ZBP1: variants seen among roughly 807,000 people sequenced by gnomAD.
ZBP1 encodes Z-DNA-binding protein 1.
A neutral mutation model predicts 41.1 loss-of-function variants in ZBP1; 42 were observed. That is an observed-to-expected ratio of 1.02 (90% confidence interval 0.80 to 1.32). The LOEUF (loss-of-function observed/expected upper bound fraction) is 1.32. Ranked by LOEUF, ZBP1 falls within the 40% of genes most tolerant of loss-of-function variation. The pLI, the probability that ZBP1 is intolerant of heterozygous loss-of-function variation, is 0.00. For synonymous variants in ZBP1, 214 were observed against 205.2 expected (o/e 1.04, Z -0.37); for missense variants, 562 against 549.7 (o/e 1.02, Z -0.22).
chr20:57,613,480 G>T lies in ZBP1; in HGVS notation c.503-150C>A. ...TAGGGCCAAGTGGGAGGCCAGAGCT[G>T]GGTGTTTAACAGACACCACAGGTAC... On this transcript the variant is annotated intron_variant, in intron 4 of 7. Coordinates refer to ENST00000371173, the MANE Select transcript of ZBP1 (RefSeq NM_030776.3). The surrounding 1 kb of genome is among the most constrained non-coding windows in gnomAD (Gnocchi z 4.5). 1 of 810,880 alleles carries T rather than the reference G, an allele frequency of 1.2e-6. No homozygotes were observed. The highest frequency in any genetic ancestry group is 2.0e-6 in the Non-Finnish European group (1 of 505,510). 50.2% of individuals were successfully genotyped at this position (810,880 alleles called of 1,614,324 possible). A position where few individuals can be genotyped will look rare whatever the true frequency, so the allele number is the denominator to read the frequency against.
chr20:57,615,460 T>C, intron 3 of ZBP1, 52 bp downstream of exon 3: 1 of 1,588,888 alleles, frequency 6.3e-7, no homozygotes, highest in Non-Finnish European at 8.6e-7. Flanking sequence ...CTGGGGTTCC[T>C]GGGGAGTGGG....
In ZBP1 at chr20:57,615,223, G is replaced by T. The variant is rs1338898001; in HGVS notation, c.329-163C>A. The T allele has an allele frequency of 5.0e-6, 4 of 802,234 alleles. No homozygotes were observed. The East Asian group carries it at 1.0e-4, about 21-fold the overall frequency. 49.7% of individuals were successfully genotyped at this position (802,234 alleles called of 1,614,324 possible). A position where few individuals can be genotyped will look rare whatever the true frequency, so the allele number is the denominator to read the frequency against. On this transcript the variant is annotated intron_variant, in intron 3 of 7. Coordinates refer to ENST00000371173, the MANE Select transcript of ZBP1 (RefSeq NM_030776.3). ...GGGGTCATCATGACGCACCGCAGAGGTGCCCTGAGGGTGGGGGATGTGCAC... is the reference window on the plus strand; with the variant it reads ...GGGGTCATCATGACGCACCGCAGAGTTGCCCTGAGGGTGGGGGATGTGCAC...
At chr20:57,616,511 C>T (rs1313194564) in intron 1 of ZBP1, 43 bp from the exon 2 acceptor site, 2 of 1,605,828 alleles carry the variant, frequency 1.2e-6, no homozygotes, top group Non-Finnish European at 1.7e-6. Flanking sequence ...CTGAGTCTCC[C>T]AGGTCCCCAC....
rs544740203 is a variant in ZBP1, at chr20:57,615,195, A to G, written c.329-135T>C. 5.4e-5 allele frequency: 54 copies of G among 993,098 alleles called. 2 individuals carry two copies. In the South Asian group the frequency reaches 7.3e-4, roughly 13 times the overall value. The allele number at this position is 993,098 out of a possible 1,614,324, so 61.5% of individuals were successfully genotyped here. A position where few individuals can be genotyped will look rare whatever the true frequency, so the allele number is the denominator to read the frequency against. ...TCATCTGTAAAATGGGTGTCATGAT[A>G]ACGGGGTCATCATGACGCACCGCAG... On this transcript the variant is annotated intron_variant, in intron 3 of 7. Transcript: ENST00000371173.
At chr20:57,611,411 A>ATTTTTTTTTTTTT (rs3068061) in intron 6 of ZBP1, among the ~76,000 whole-genome samples, 39 of 95,128 alleles carry the variant, frequency 4.1e-4, no homozygotes, top group African/African-American at 8.1e-4. Context: ...TGCCCGGTTA[A>ATTTTTTTTTTTTT]TTTTTTTTTT....
chr20:57,619,304 T>A (rs1177692399), intron 1 of ZBP1, among the ~76,000 whole-genome samples: 2 of 152,202 alleles, frequency 1.3e-5, no homozygotes. Context: ...CCCTGCCAAC[T>A]ACTAGCTGTG....
chr20:57,604,727 C>G lies in ZBP1; in HGVS notation c.1136G>C (p.Arg379Pro), dbSNP rs748618471. ...ADTQSRSHFP[R>P]DIGQPITPSH... ...GGGAGTGATGGGCTGACCAATGTCT[C>G]GAGGAAAGTGACTTCTGGATTGTGT... Residue 379 changes from arginine (R) to proline (P), a missense_variant, in exon 8 of 8, where the codon CGA becomes CCA. By Grantham distance (103) the Arg-to-Pro change is moderately radical. Coordinates refer to ENST00000371173, the MANE Select transcript of ZBP1 (RefSeq NM_030776.3). 3.1e-6 allele frequency: 5 copies of G among 1,613,910 alleles called. No homozygotes were observed. The East Asian group carries it at 6.7e-5, about 22-fold the overall frequency.
In ZBP1 at chr20:57,615,078, C is replaced by T; in HGVS notation, c.329-18G>A. The T allele has an allele frequency of 6.2e-7, 1 of 1,613,856 alleles. No individual in the cohort carries two copies. Among genetic ancestry groups the T allele is most frequent in the Non-Finnish European group, 8.5e-7 (1 of 1,179,828 alleles). ...GTCTTCCTCTGGGAGGCAGGATGGC[C>T]AGGTGGTTAGGGAGTAGTCCTAGGG... On this transcript the variant is annotated intron_variant, in intron 3 of 7. Coordinates refer to ENST00000371173, the MANE Select transcript of ZBP1 (RefSeq NM_030776.3).
At chr20:57,616,801 G>A in intron 1 of ZBP1, 1 of 342,810 alleles carries the variant, frequency 2.9e-6, no homozygotes, top group Non-Finnish European at 5.5e-6. Flanking sequence ...GAGGGGAGTA[G>A]AGGGCAGAAG....
Position 57,616,479 on chromosome 20 carries a change from G to A in ZBP1, c.35-11C>T, listed in dbSNP as rs201037492. On this transcript the variant is annotated splice_polypyrimidine_tract_variant and intron_variant, in intron 1 of 7. Coordinates refer to ENST00000371173, the MANE Select transcript of ZBP1 (RefSeq NM_030776.3). Reference sequence around the variant, plus strand: ...TTTGTTCAAGGTGGCCTGGGGGAGCGAGCGGGGGACAGAGAGGGGAACTGA... The same window carrying A: ...TTTGTTCAAGGTGGCCTGGGGGAGCAAGCGGGGGACAGAGAGGGGAACTGA... The A allele has an allele frequency of 9.9e-6, 16 of 1,612,480 alleles. No homozygotes were observed. The Admixed American group carries it at 1.7e-4, about 17-fold the overall frequency.
chr20:57,616,663 G>A, intron 1 of ZBP1, 195 bp from the exon 2 acceptor site: 1 of 611,880 alleles, frequency 1.6e-6, no homozygotes, highest in Non-Finnish European at 2.8e-6. Context: ...GAGGCATGCA[G>A]GCTGATCAGA....
In ZBP1 at chr20:57,613,925, C is replaced by T. The variant is rs1026620806; in HGVS notation, c.503-595G>A. Among the ~76,000 whole-genome samples the T allele has an allele frequency of 2.9e-4, 44 of 151,306 alleles. No individual in the cohort carries two copies. Among genetic ancestry groups the T allele is most frequent in the African/African-American group, 1.0e-3 (42 of 41,422 alleles). On this transcript the variant is annotated intron_variant, in intron 4 of 7. Coordinates refer to ENST00000371173, the MANE Select transcript of ZBP1 (RefSeq NM_030776.3). The surrounding 1 kb of genome is among the most constrained non-coding windows in gnomAD (Gnocchi z 4.5). Reference sequence around the variant, plus strand: ...GCCCAGACTGTGCGGGGCCCATCACCACCCTCCAGGGTCTCAGCTCCTGTG... The same window carrying T: ...GCCCAGACTGTGCGGGGCCCATCACTACCCTCCAGGGTCTCAGCTCCTGTG...
rs2070727185 is a variant in ZBP1, at chr20:57,613,295, T to C, written c.538A>G (p.Ile180Val). Residue 180 changes from isoleucine to valine, a missense_variant, in exon 5 of 8, where the codon ATT becomes GTT. Ile to Val is a conservative substitution (Grantham distance 29). Transcript: ENST00000371173. The surrounding 1 kb of genome is among the most constrained non-coding windows in gnomAD (Gnocchi z 4.5). Reference protein sequence around the residue: ...SGRRAKSASIIYQHNPINMIC... With the variant: ...SGRRAKSASIVYQHNPINMIC... Reference sequence around the variant, plus strand: ...ATGTTGATTGGATTGTGCTGGTAAATAATTGAGGCTGACTTTGCTCTTCTT... The same window carrying C: ...ATGTTGATTGGATTGTGCTGGTAAACAATTGAGGCTGACTTTGCTCTTCTT... The C allele has an allele frequency of 6.2e-7, 1 of 1,614,224 alleles. No homozygotes were observed.
At chr20:57,609,671 C>G (rs1316351067) in intron 7 of ZBP1, among the ~76,000 whole-genome samples, 29 of 152,064 alleles carry the variant, frequency 1.9e-4, no homozygotes, top group Admixed American at 1.9e-3. Context: ...GCAGGCGGGG[C>G]CACCGTGTGT....
At position 57,613,845 on chromosome 20, in the gene ZBP1, C is replaced by T. The variant is rs1226106180; in HGVS notation, c.503-515G>A. Among the ~76,000 whole-genome samples the T allele has an allele frequency of 5.3e-5, 8 of 152,212 alleles. No individual in the cohort carries two copies. Among genetic ancestry groups the T allele is most frequent in the Admixed American group, 3.9e-4 (6 of 15,288 alleles). ...CAGCCCTAGGATGCTGAGACCCCCT[C>T]GGGCACCCGTCATGAGTAGCAGAGT... On this transcript the variant is annotated intron_variant, in intron 4 of 7. Transcript: ENST00000371173. The surrounding 1 kb of genome is among the most constrained non-coding windows in gnomAD (Gnocchi z 4.5).
rs540156908 is a variant in ZBP1 at position 57,604,215 on chromosome 20, C to A, written c.*358G>T. On this transcript the variant is annotated 3_prime_UTR_variant, in exon 8 of 8. Transcript: ENST00000371173. ...TGAATTTTGTTGGGACTCAAACATTCAAACCACAGCAGGTAGCCATGATGG... is the reference window on the plus strand; with the variant it reads ...TGAATTTTGTTGGGACTCAAACATTAAAACCACAGCAGGTAGCCATGATGG... The A allele has an allele frequency of 2.3e-5, 9 of 386,398 alleles. No homozygotes were observed. Among genetic ancestry groups the A allele is most frequent in the African/African-American group, 1.5e-4 (7 of 48,174 alleles). 23.9% of individuals were successfully genotyped at this position (386,398 alleles called of 1,614,324 possible).
rs888158195 is a variant in ZBP1 at position 57,611,885 on chromosome 20, G to C, written c.716C>G (p.Ser239Cys). 6.4e-7 allele frequency: 1 copy of C among 1,574,434 alleles called. No individual in the cohort carries two copies. Among genetic ancestry groups the C allele is most frequent in the Non-Finnish European group, 8.6e-7 (1 of 1,159,382 alleles). Reference protein sequence around the residue: ...RHLPSMAPGDSSTWGTLVDPW... With the variant: ...RHLPSMAPGDCSTWGTLVDPW... Reference sequence around the variant, plus strand: ...ATCAACTAGGGTCCCCCAAGTTGAGGAATCACCTGGTGCCATTGAAGGGAG... The same window carrying C: ...ATCAACTAGGGTCCCCCAAGTTGAGCAATCACCTGGTGCCATTGAAGGGAG... The change falls in exon 6 of 8, where the codon TCC becomes TGC. Residue 239 changes from serine (S) to cysteine (C), a missense_variant. Coordinates refer to ENST00000371173, the MANE Select transcript of ZBP1 (RefSeq NM_030776.3).
chr20:57,612,288 A>C (rs2070695850), intron 5 of ZBP1, among the ~76,000 whole-genome samples: 1 of 152,234 alleles, frequency 6.6e-6, no homozygotes, highest in Non-Finnish European at 1.5e-5. Flanking sequence ...TTTAACTGCC[A>C]GGGACAACAT....
rs780533884 is a variant in ZBP1 at position 57,604,658 on chromosome 20, C to A, written c.1205G>T (p.Gly402Val). The change falls in exon 8 of 8, where the codon GGA becomes GTA. Residue 402 changes from glycine to valine, a missense_variant. By Grantham distance (109) the Gly-to-Val change is moderately radical. Coordinates refer to ENST00000371173, the MANE Select transcript of ZBP1 (RefSeq NM_030776.3). ...TTCTGCAGCTTTGTGACTCCTGTTTCCAAGAGTCATAGTTTCCAGCTTGGG... is the reference window on the plus strand; with the variant it reads ...TTCTGCAGCTTTGTGACTCCTGTTTACAAGAGTCATAGTTTCCAGCTTGGG... ...LTPKLETMTL[G>V]NRSHKAAEGS... 6.2e-7 allele frequency: 1 copy of A among 1,614,076 alleles called. No individual in the cohort carries two copies. Among genetic ancestry groups the A allele is most frequent in the Non-Finnish European group, 8.5e-7 (1 of 1,180,048 alleles).
Sources: gnomAD v4.1 joint callset for allele counts (sites outside exome capture counted in the v4.1 genomes callset) on GRCh38, gnomAD v4.1.1 for gene constraint, Gnocchi (gnomAD v3.1) non-coding constraint, MANE v1.5 for transcripts, NCBI Gene and HGNC (gene_info 2026-07-23, HGNC 2026-07-21) for gene names.